SULT1A1: variants seen among roughly 807,000 people sequenced by gnomAD.
SULT1A1 encodes sulfotransferase family 1A member 1.
SULT1A1 carries 35 observed loss-of-function variants against 36.8 expected under a neutral mutation model. That is an observed-to-expected ratio of 0.95 (90% CI 0.73 to 1.26). The LOEUF is 1.26. Among genes scored for constraint, SULT1A1 ranks in the 50% most tolerant of loss-of-function variants. The pLI is 0.00. For synonymous variants in SULT1A1, 119 were observed against 146.0 expected (o/e 0.82, Z 1.33); for missense variants, 309 against 383.0 (o/e 0.81, Z 1.61).
chr16:28,618,244 C>T (rs904105609), intron 2 of SULT1A1, among the ~76,000 whole-genome samples: 3 of 150,284 alleles, frequency 2.0e-5, no homozygotes, highest in Non-Finnish European at 1.5e-5. Flanking sequence ...CACTGTGTTG[C>T]GCAGGCTGGT....
rs1396655769 is a variant in SULT1A1, at chr16:28,620,082, TTC to T, written c.117_118del (p.Lys40IlefsTer33). 6.2e-7 allele frequency: 1 copy of T among 1,612,936 alleles called. No individual in the cohort carries two copies. The highest frequency in any genetic ancestry group is 2.2e-5 in the East Asian group (1 of 44,836). Reference sequence around the variant, plus strand: ...TCTTACCATATAGGTGTTCCAGAATTTCTGTTTCAGGTCCAAAAATATGTCAT... The same window carrying T: ...TCTTACCATATAGGTGTTCCAGAATTTGTTTCAGGTCCAAAAATATGTCAT... On this transcript the variant is annotated frameshift_variant, in exon 2 of 6. Coordinates refer to the SULT1A1 transcript ENST00000350842. LOFTEE classifies it high-confidence loss of function.
At chr16:28,611,617 C>A (rs1475528869), upstream of SULT1A1, 1 of 151,470 alleles carries the variant, frequency 6.6e-6, no homozygotes, top group Non-Finnish European at 1.5e-5. Context: ...CTCTTGAGGA[C>A]CCCCACGTTC....
chr16:28,606,957 C>T lies in SULT1A1; in HGVS notation c.493G>A (p.Gly165Arg), dbSNP rs141878102. 3.0e-4 allele frequency: 482 copies of T among 1,612,482 alleles called. 16 individuals carry two copies. Among genetic ancestry groups the T allele is most frequent in the Non-Finnish European group, 3.6e-4 (420 of 1,178,676 alleles). ...WDSFLEKFMV[G>R]EVSYGSWYQH... ...TTCCTCCCATCAAACCCACCTTCTC[C>T]GACCATGAACTTCTCCAGGAAGCTG... Residue 165 changes from glycine (G) to arginine (R), a missense_variant, in exon 5 of 8, where the codon GGA becomes AGA. Around this residue, in one of 3 missense-constraint regions of SULT1A1, gnomAD observed 219 missense variants for 215.3 expected, o/e 1.02. Coordinates refer to ENST00000314752, the MANE Select transcript of SULT1A1 (RefSeq NM_001055.4).
At chr16:28,606,350 C>A in intron 6 of SULT1A1, 114 bp from the exon 7 acceptor site, 1 of 1,553,612 alleles carries the variant, frequency 6.4e-7, no homozygotes, top group South Asian at 1.1e-5. Flanking sequence ...AGAAACCCTG[C>A]AGAGCCAACT....
intron 2 of SULT1A1, among the ~76,000 whole-genome samples, chr16:28,616,601 T>A (rs148537148): frequency 1.2e-3 from 176 of 152,202 alleles, no homozygotes; most frequent in African/African-American, 3.9e-3. Context: ...TTTATTTTTT[T>A]AAATACAGAC....
rs1426369246 is a variant in SULT1A1, at chr16:28,605,648, C to T, written c.*173G>A. ...TTTTTAACAGAATCTCACTATGTTG[C>T]CCAGGTTGGTCTCGAACTCCTGGGC... On this transcript the variant is annotated 3_prime_UTR_variant, in exon 8 of 8. Transcript: ENST00000314752. The T allele has an allele frequency of 5.8e-6, 6 of 1,039,806 alleles. No individual in the cohort carries two copies. Among genetic ancestry groups the T allele is most frequent in the Non-Finnish European group, 8.6e-6 (6 of 694,892 alleles). 64.4% of individuals were successfully genotyped at this position (1,039,806 alleles called of 1,614,324 possible). A position where few individuals can be genotyped will look rare whatever the true frequency, so the allele number is the denominator to read the frequency against.
rs1330770752 is a variant in SULT1A1, at chr16:28,608,790, C to G, written c.66G>C (p.Lys22Asn). The G allele has an allele frequency of 6.2e-7, 1 of 1,612,240 alleles. No homozygotes were observed. The highest frequency in any genetic ancestry group is 2.2e-5 in the East Asian group (1 of 44,890). ...LEYVKGVPLI[K>N]YFAEALGPLQ... Reference sequence around the variant, plus strand: ...GGGGCCCCAGTGCCTCTGCAAAGTACTTGATGAGCGGGACCCCCTTCACGT... The same window carrying G: ...GGGGCCCCAGTGCCTCTGCAAAGTAGTTGATGAGCGGGACCCCCTTCACGT... Residue 22 changes from lysine to asparagine, a missense_variant, in exon 2 of 8, where the codon AAG becomes AAC. Lys to Asn is a moderately conservative substitution (Grantham distance 94, BLOSUM62 0). Coordinates refer to ENST00000314752, the MANE Select transcript of SULT1A1 (RefSeq NM_001055.4).
intron 2 of SULT1A1, among the ~76,000 whole-genome samples, chr16:28,618,706 TG>T (rs2047594853): frequency 6.6e-6 from 1 of 152,164 alleles, no homozygotes; most frequent in African/African-American, 2.4e-5. Flanking sequence ...ACCGCTGATT[TG>T]TTTTGAACCT....
At position 28,608,238 on chromosome 16, in the gene SULT1A1, C is replaced by T; in HGVS notation, c.372+53G>A. ...CCAACCTCAGGTGATCTGCCTGCCTCAGCCTCCCAAAGTGCTGGGATTATG... is the reference window on the plus strand; with the variant it reads ...CCAACCTCAGGTGATCTGCCTGCCTTAGCCTCCCAAAGTGCTGGGATTATG... On this transcript the variant is annotated intron_variant, in intron 4 of 7. Coordinates refer to ENST00000314752, the MANE Select transcript of SULT1A1 (RefSeq NM_001055.4). 3 of 1,604,254 alleles carry T rather than the reference C, an allele frequency of 1.9e-6. No homozygotes were observed. In the Admixed American group the frequency reaches 5.0e-5, roughly 27 times the overall value.
intron 2 of SULT1A1, among the ~76,000 whole-genome samples, chr16:28,615,840 G>T (rs994275190): frequency 6.6e-6 from 1 of 152,250 alleles, no homozygotes; most frequent in Non-Finnish European, 1.5e-5. Context: ...AGCCGAGGCA[G>T]AGAGGGAGAG....
At position 28,619,055 on chromosome 16, in the gene SULT1A1, G is replaced by A. The variant is rs1032719536; in HGVS notation, c.138+1008C>T. ...TTTTGAGATGGAGTCTTGCTCTGTT[G>A]CCCAGGCTGGAGTGCAGTGGTGAGA... On this transcript the variant is annotated intron_variant, in intron 2 of 5. Transcript: ENST00000350842. Among the ~76,000 whole-genome samples the A allele has an allele frequency of 5.3e-5, 8 of 152,160 alleles. 1 individual carries two copies. Among genetic ancestry groups the A allele is most frequent in the African/African-American group, 1.9e-4 (8 of 41,512 alleles).
intron 1 of SULT1A1, among the ~76,000 whole-genome samples, chr16:28,621,435 C>G (rs1265181531): frequency 8.3e-6 from 1 of 119,798 alleles, no homozygotes; most frequent in Non-Finnish European, 1.6e-5. Flanking sequence ...GAGCTGAGAT[C>G]AGGCCACTGC....
Position 28,606,248 on chromosome 16 carries a change from A to C in SULT1A1, c.595-12T>G. 2 of 1,610,966 alleles carry C rather than the reference A, an allele frequency of 1.2e-6. No homozygotes were observed. Among genetic ancestry groups the C allele is most frequent in the Non-Finnish European group, 1.7e-6 (2 of 1,177,772 alleles). ...TCCCTTTTCGGGTTCTGAGCAGCAG[A>C]GGGCCCCTCAGTGGAGGCTCGGATT... On this transcript the variant is annotated splice_polypyrimidine_tract_variant and intron_variant, in intron 6 of 7. Transcript: ENST00000314752.
chr16:28,609,442 T>C (rs1268646758), intron 1 of SULT1A1: 2 of 1,257,282 alleles, frequency 1.6e-6, no homozygotes, highest in East Asian at 1.1e-4. Flanking sequence ...AGAGCTGCTG[T>C]GGGAATGAAC....
At chr16:28,622,533 G>C (rs1260132160) in intron 1 of SULT1A1, among the ~76,000 whole-genome samples, 1 of 152,134 alleles carries the variant, frequency 6.6e-6, no homozygotes, top group African/African-American at 2.4e-5. Flanking sequence ...TGTTACCAAA[G>C]CAGGACTAGG....
rs753864163 is a variant in SULT1A1, at chr16:28,609,912, G to T, written c.-5+19C>A. 1 of 1,281,948 alleles carries T rather than the reference G, an allele frequency of 7.8e-7. No individual in the cohort carries two copies. The highest frequency in any genetic ancestry group is 1.0e-6 in the Non-Finnish European group (1 of 984,660). The allele number at this position is 1,281,948 out of a possible 1,614,324, so 79.4% of individuals were successfully genotyped here. A position where few individuals can be genotyped will look rare whatever the true frequency, so the allele number is the denominator to read the frequency against. Reference sequence around the variant, plus strand: ...GAGCAGGGTGAGGGCGCCCTGGGCCGTTCCACTGTGTCACTCACCTGAGCT... The same window carrying T: ...GAGCAGGGTGAGGGCGCCCTGGGCCTTTCCACTGTGTCACTCACCTGAGCT... On this transcript the variant is annotated intron_variant, in intron 1 of 7. Transcript: ENST00000314752.
At chr16:28,620,737 G>A (rs1396223263) in intron 1 of SULT1A1, among the ~76,000 whole-genome samples, 1 of 152,138 alleles carries the variant, frequency 6.6e-6, no homozygotes, top group South Asian at 2.1e-4. Flanking sequence ...GGGTCTATTG[G>A]TTACTTTTCT....
intron 2 of SULT1A1, among the ~76,000 whole-genome samples, chr16:28,618,845 A>T (rs1189578480): frequency 6.6e-6 from 1 of 152,198 alleles, no homozygotes; most frequent in Non-Finnish European, 1.5e-5. Context: ...GATTCCATTA[A>T]GCCACTCACA....
At position 28,619,946 on chromosome 16, in the gene SULT1A1, T is replaced by C. The variant is rs189990485; in HGVS notation, c.138+117A>G. On this transcript the variant is annotated intron_variant, in intron 2 of 5. Transcript: ENST00000350842. ...ACATATATATACATATACACATATA[T>C]ACACAAAAAGTTACTGATTGTATAT... 5.1e-4 allele frequency: 426 copies of C among 841,828 alleles called. 3 individuals are homozygous for C. In the African/African-American group the frequency reaches 6.8e-3, roughly 13 times the overall value. 52.1% of individuals were successfully genotyped at this position (841,828 alleles called of 1,614,324 possible). A position where few individuals can be genotyped will look rare whatever the true frequency, so the allele number is the denominator to read the frequency against.
Sources: gnomAD v4.1 joint callset for allele counts (sites outside exome capture counted in the v4.1 genomes callset) on GRCh38, gnomAD v4.1.1 for gene constraint, gnomAD v4.1.1 regional missense constraint, MANE v1.5 for transcripts, NCBI Gene and HGNC (gene_info 2026-07-23, HGNC 2026-07-21) for gene names.